RIPOR3: variants seen among roughly 807,000 people sequenced by gnomAD.
RIPOR3 encodes the protein family with sequence similarity 65 member C.
Under a neutral mutation model 114.3 loss-of-function variants are expected in RIPOR3, and 95 were observed. That is an observed-to-expected ratio of 0.83 (90% CI 0.70 to 0.99). The LOEUF (loss-of-function observed/expected upper bound fraction) is 0.99. RIPOR3 is among the 50% of genes least tolerant of loss of function. The pLI is 0.00. For missense variants in RIPOR3, 1,252 were observed against 1,266.9 expected, an observed-to-expected ratio of 0.99 and a Z score of 0.18; for synonymous variants, 575 against 543.8, an observed-to-expected ratio of 1.06 and a Z score of -0.80.
chr20:50,622,580 C>G (rs2084456171), intron 2 of RIPOR3, among the ~76,000 whole-genome samples: 1 of 152,128 alleles, frequency 6.6e-6, no homozygotes, highest in Non-Finnish European at 1.5e-5. Flanking sequence ...CTTCAACCCA[C>G]CCCTAAAAGC....
rs921939301 is a variant in RIPOR3, at chr20:50,638,568, C to G, written c.4-7712G>C. ...GCCAGGGGTCACCTTGAAGACAAAG[C>G]CTCTCTTTGGGAAAGAAGCCTTTGA... On this transcript the variant is annotated intron_variant, in intron 1 of 21. Coordinates refer to ENST00000327979, the MANE Select transcript of RIPOR3 (RefSeq NM_001290268.2). Among the ~76,000 whole-genome samples, 5 of 152,172 alleles carry G rather than the reference C, an allele frequency of 3.3e-5. No individual in the cohort carries two copies. In the South Asian group the frequency reaches 1.0e-3, roughly 32 times the overall value.
intron 1 of RIPOR3, among the ~76,000 whole-genome samples, chr20:50,663,274 G>T (rs1007225545): frequency 6.6e-6 from 1 of 152,164 alleles, no homozygotes; most frequent in Non-Finnish European, 1.5e-5. Flanking sequence ...GCCACATGCT[G>T]CCTCCCATCA....
At chr20:50,587,950 G>T (rs767921187) in intron 20 of RIPOR3, 58 bp from the exon 21 acceptor site, 15 of 1,532,984 alleles carry the variant, frequency 9.8e-6, no homozygotes, top group Non-Finnish European at 9.0e-7. Context: ...AGCAGGTAGA[G>T]TCCACTTAGT....
chr20:50,631,187 C>T (rs1049282502), intron 1 of RIPOR3, among the ~76,000 whole-genome samples: 1 of 152,188 alleles, frequency 6.6e-6, no homozygotes, highest in Non-Finnish European at 1.5e-5. Flanking sequence ...CTTCTCCTCT[C>T]CCCTCCTCCA....
chr20:50,659,596 G>A (rs1022933912), intron 1 of RIPOR3, among the ~76,000 whole-genome samples: 6 of 138,120 alleles, frequency 4.3e-5, no homozygotes, highest in Admixed American at 2.3e-4. Context: ...GCAGTGAGCC[G>A]AGATCACACC....
In RIPOR3 at chr20:50,608,593, C is replaced by T. The variant is rs1392700289; in HGVS notation, c.810+20G>A. 2 of 1,613,676 alleles carry T rather than the reference C, an allele frequency of 1.2e-6. No homozygotes were observed. Among genetic ancestry groups the T allele is most frequent in the Middle Eastern group, 1.7e-4 (1 of 6,058 alleles). On this transcript the variant is annotated intron_variant, in intron 10 of 21. Transcript: ENST00000327979. ...CGAACACCCAGGCACCCCAGCCCTG[C>T]CCCCGGGCCCCATCCCCACCTTGAT...
At chr20:50,635,069 T>C (rs1400979212) in intron 1 of RIPOR3, among the ~76,000 whole-genome samples, 1 of 152,188 alleles carries the variant, frequency 6.6e-6, no homozygotes, top group African/African-American at 2.4e-5. Flanking sequence ...AGATAGTAGA[T>C]ATTTTTGGTT....
At chr20:50,621,117 T>G (rs1196205809) in intron 2 of RIPOR3, 6 of 119,178 alleles carry the variant, frequency 5.0e-5, no homozygotes, top group South Asian at 1.5e-4. Flanking sequence ...TAGAACAGCT[T>G]GACAAAAAAA....
At chr20:50,638,009 T>C (rs1030566469) in intron 1 of RIPOR3, among the ~76,000 whole-genome samples, 2 of 151,952 alleles carry the variant, frequency 1.3e-5, no homozygotes, top group African/African-American at 4.8e-5. Context: ...TGAGCCACCA[T>C]GCCCAGCCTG....
Position 50,691,312 on chromosome 20 carries a change from T to G in RIPOR3, c.-184A>C. On this transcript the variant is annotated 5_prime_UTR_variant, in exon 1 of 22. Coordinates refer to ENST00000327979, the MANE Select transcript of RIPOR3 (RefSeq NM_001290268.2). ...GGTCCCGCTCTCTGGGAAGATCGCC[T>G]TGAGGACCTGCTGCGCCCCGAGTCT... 1.2e-5 allele frequency: 8 copies of G among 672,606 alleles called. No homozygotes were observed. The highest frequency in any genetic ancestry group is 1.8e-5 in the Non-Finnish European group (8 of 453,376). The allele number at this position is 672,606 out of a possible 1,614,324, so 41.7% of individuals were successfully genotyped here.
chr20:50,688,650 G>A (rs1231520461), intron 1 of RIPOR3, among the ~76,000 whole-genome samples: 1 of 152,198 alleles, frequency 6.6e-6, no homozygotes, highest in African/African-American at 2.4e-5. Flanking sequence ...GAACTGAGGA[G>A]GAAGCCATTC....
intron 16 of RIPOR3, 91 bp from the exon 17 acceptor site, chr20:50,594,805 G>C: frequency 3.5e-6 from 5 of 1,438,912 alleles, no homozygotes; most frequent in Non-Finnish European, 4.7e-6. Context: ...GACCTGAGGG[G>C]GTAGGGAGGA....
Position 50,649,758 on chromosome 20 carries a change from G to T in RIPOR3, c.4-18902C>A, listed in dbSNP as rs1326319304. 3.9e-5 allele frequency among the ~76,000 whole-genome samples: 6 copies of T among 152,204 alleles called. No individual in the cohort carries two copies. In the South Asian group the frequency reaches 1.2e-3, roughly 32 times the overall value. On this transcript the variant is annotated intron_variant, in intron 1 of 21. Transcript: ENST00000327979. ...CAATGGGGTGAGTTTACAGGGAAGC[G>T]CTCCCTGAGGGCTAGGCTGGCTGGA...
intron 1 of RIPOR3, among the ~76,000 whole-genome samples, chr20:50,667,170 T>A (rs5015930): frequency 0.51 from 76,912 of 151,818 alleles, 22,275 homozygotes; most frequent in Middle Eastern, 0.64. Context: ...AAAGTTAAAA[T>A]TCCCCTCCAG....
At position 50,635,489 on chromosome 20, in the gene RIPOR3, AC is replaced by A. The variant is rs1439008066; in HGVS notation, c.4-4634del. On this transcript the variant is annotated intron_variant, in intron 1 of 21. Coordinates refer to ENST00000327979, the MANE Select transcript of RIPOR3 (RefSeq NM_001290268.2). ...GGTCTCATAGTGAGACCCGGTCCCC[AC>A]AAAAAATACAAAAATTACCCAGATG... Among the ~76,000 whole-genome samples the A allele has an allele frequency of 2.0e-5, 3 of 152,120 alleles. No homozygotes were observed. The East Asian group carries it at 5.8e-4, about 29-fold the overall frequency.
chr20:50,659,781 C>A (rs548940773), intron 1 of RIPOR3: 1 of 152,180 alleles, frequency 6.6e-6, no homozygotes, highest in South Asian at 2.1e-4. Context: ...CGGATAATCA[C>A]CAGCTGAGTC....
intron 1 of RIPOR3, among the ~76,000 whole-genome samples, chr20:50,668,118 G>T (rs745948709): frequency 3.3e-5 from 5 of 152,144 alleles, no homozygotes; most frequent in Non-Finnish European, 5.9e-5. Flanking sequence ...GCTGCCCTCA[G>T]TCTGAGGCTT....
At chr20:50,597,735 A>AG in intron 13 of RIPOR3, 25 bp from the exon 14 acceptor site, 1 of 1,608,834 alleles carries the variant, frequency 6.2e-7, no homozygotes, top group African/African-American at 1.3e-5. Context: ...GCCAGACCTG[A>AG]GGGCAACACC....
At chr20:50,649,319 C>G (rs1435599398) in intron 1 of RIPOR3, among the ~76,000 whole-genome samples, 1 of 152,154 alleles carries the variant, frequency 6.6e-6, no homozygotes, top group Admixed American at 6.6e-5. Context: ...GTGGTGGGTA[C>G]CTGTAATCCC....
Sources: gnomAD v4.1 joint callset for allele counts (sites outside exome capture counted in the v4.1 genomes callset) on GRCh38, gnomAD v4.1.1 for gene constraint, MANE v1.5 for transcripts, NCBI Gene and HGNC (gene_info 2026-07-23, HGNC 2026-07-21) for gene names.